SNX29: variants seen among roughly 807,000 people sequenced by gnomAD.
The protein encoded by SNX29 is sorting nexin 29, also known as sorting nexin-29.
A neutral mutation model predicts 102.1 loss-of-function variants in SNX29; 78 were observed. The ratio of observed to expected loss-of-function variants is 0.76; its 90% confidence interval spans 0.64 to 0.92. The LOEUF is 0.92. Ranked by LOEUF, SNX29 falls within the 40% of genes least tolerant of loss-of-function variation. The pLI, the probability that SNX29 is intolerant of heterozygous loss-of-function variation, is 0.00. For missense variants in SNX29, 1,280 were observed against 1,061.7 expected (o/e 1.21, Z -2.86); for synonymous variants, 580 against 414.5 (o/e 1.40, Z -4.85).
intron 15 of SNX29, among the ~76,000 whole-genome samples, chr16:12,305,433 C>G (rs1386680211): frequency 6.6e-6 from 1 of 152,202 alleles, no homozygotes; most frequent in Non-Finnish European, 1.5e-5. Flanking sequence ...ATTTTAGCTG[C>G]CAGTGACTGT....
chr16:12,202,688 A>T (rs2076942248), intron 14 of SNX29, among the ~76,000 whole-genome samples: 1 of 152,090 alleles, frequency 6.6e-6, no homozygotes, highest in Non-Finnish European at 1.5e-5. Flanking sequence ...TTAAAAGAGG[A>T]GGCGATCCTC....
At chr16:12,383,656 G>A (rs975157194) in intron 16 of SNX29, among the ~76,000 whole-genome samples, 10 of 150,796 alleles carry the variant, frequency 6.6e-5, no homozygotes, top group Non-Finnish European at 1.5e-4. Flanking sequence ...GGCTGGTCTC[G>A]AATTCCTGAC....
intron 16 of SNX29, among the ~76,000 whole-genome samples, chr16:12,386,710 T>G (rs2083353555): frequency 6.6e-6 from 1 of 152,224 alleles, no homozygotes; most frequent in South Asian, 2.1e-4. Flanking sequence ...GAGATGAATC[T>G]TTCCTGAACA....
At chr16:12,186,673 C>A (rs1238537463) in intron 13 of SNX29, among the ~76,000 whole-genome samples, 4 of 152,202 alleles carry the variant, frequency 2.6e-5, no homozygotes, top group South Asian at 2.1e-4. Context: ...TCTCTTTAAT[C>A]TGGGGAACAC....
chr16:12,526,443 CATT>C, intron 20 of SNX29: 2 of 431,188 alleles, frequency 4.6e-6, no homozygotes, highest in Non-Finnish European at 9.0e-6. Context: ...TGTGAGAAGA[CATT>C]ATAGTATCCT....
At chr16:12,093,898 A>C (rs2052663228) in intron 11 of SNX29, 1 of 152,340 alleles carries the variant, frequency 6.6e-6, no homozygotes, top group Middle Eastern at 3.4e-3. Flanking sequence ...CAGGCTTTAG[A>C]AAAAAGTAAG....
At chr16:12,432,188 G>C (rs897497489) in intron 18 of SNX29, among the ~76,000 whole-genome samples, 2 of 152,236 alleles carry the variant, frequency 1.3e-5, no homozygotes, top group Non-Finnish European at 2.9e-5. Context: ...GGCAGGAATA[G>C]TCCTTGGGCT....
At chr16:12,563,087 A>G (rs1598080760) in intron 20 of SNX29, among the ~76,000 whole-genome samples, 1 of 146,982 alleles carries the variant, frequency 6.8e-6, no homozygotes, top group East Asian at 1.9e-4. Flanking sequence ...CCAGAATGTT[A>G]CATAGAAGAC....
At chr16:12,498,911 A>G (rs2088965215) in intron 19 of SNX29, among the ~76,000 whole-genome samples, 1 of 152,216 alleles carries the variant, frequency 6.6e-6, no homozygotes, top group African/African-American at 2.4e-5. Flanking sequence ...GTGAACTATC[A>G]TCTAGGATTG....
At chr16:12,222,915 C>G (rs1444902638) in intron 14 of SNX29, among the ~76,000 whole-genome samples, 2 of 152,188 alleles carry the variant, frequency 1.3e-5, no homozygotes, top group Non-Finnish European at 2.9e-5. Context: ...CCTTTGAGGC[C>G]ACAGGTGTAG....
At chr16:12,207,134 C>T (rs2077064692) in intron 14 of SNX29, among the ~76,000 whole-genome samples, 1 of 152,002 alleles carries the variant, frequency 6.6e-6, no homozygotes. Flanking sequence ...TTCGGGAGGC[C>T]AAGACGGGTG....
chr16:12,573,760 C>T lies in SNX29; in HGVS notation c.*5131C>T, dbSNP rs376252607. On this transcript the variant is annotated 3_prime_UTR_variant, in exon 21 of 21. Transcript: ENST00000566228. ...CATTTGCACCCAGAGCTACTAAACG[C>T]TCAGTGACCCCAGAGACCATTAATT... is the stretch of plus-strand genomic sequence containing the variant. The T allele has an allele frequency of 1.8e-5, 4 of 222,816 alleles. No homozygotes were observed. The highest frequency in any genetic ancestry group is 1.8e-4 in the South Asian group (1 of 5,420). The allele number at this position is 222,816 out of a possible 1,614,324, so 13.8% of individuals were successfully genotyped here. A position where few individuals can be genotyped will look rare whatever the true frequency, so the allele number is the denominator to read the frequency against.
At chr16:12,317,270 T>C (rs1231090490) in intron 15 of SNX29, among the ~76,000 whole-genome samples, 1 of 152,110 alleles carries the variant, frequency 6.6e-6, no homozygotes, top group African/African-American at 2.4e-5. Flanking sequence ...CACACTTGGG[T>C]GCAGGGACCT....
At chr16:12,177,000 T>G (rs2076275108) in intron 13 of SNX29, among the ~76,000 whole-genome samples, 1 of 151,892 alleles carries the variant, frequency 6.6e-6, no homozygotes, top group South Asian at 2.1e-4. Flanking sequence ...CAGGCTGGAG[T>G]GTAGTGGCTC....
chr16:12,125,965 G>A (rs997465190), intron 11 of SNX29, among the ~76,000 whole-genome samples: 2 of 152,080 alleles, frequency 1.3e-5, no homozygotes, highest in African/African-American at 4.8e-5. Context: ...ATGCCACATC[G>A]CTGTCTGGGG....
chr16:12,461,978 A>AAAAAATATAT (rs1555544501), intron 18 of SNX29, among the ~76,000 whole-genome samples: 1 of 27,352 alleles, frequency 3.7e-5, no homozygotes, highest in African/African-American at 1.4e-4. Context: ...AAAAAAAAAA[A>AAAAAATATAT]ATATATATAT....
chr16:11,985,361 C>G (rs574146788), intron 1 of SNX29, among the ~76,000 whole-genome samples: 1 of 152,248 alleles, frequency 6.6e-6, no homozygotes, highest in Non-Finnish European at 1.5e-5. Context: ...AGCCAGGGCT[C>G]TTTTCAGTGG....
chr16:12,401,843 A>G (rs2083957113), intron 17 of SNX29, among the ~76,000 whole-genome samples: 1 of 152,216 alleles, frequency 6.6e-6, no homozygotes, highest in African/African-American at 2.4e-5. Flanking sequence ...ATGAACTAAC[A>G]TCTAGGAGGG....
At chr16:12,024,867 G>A (rs556043508) in intron 3 of SNX29, among the ~76,000 whole-genome samples, 19 of 152,282 alleles carry the variant, frequency 1.2e-4, no homozygotes, top group African/African-American at 4.6e-4. Context: ...ATACCCCAGA[G>A]TTTTTTTGTT....
Sources: gnomAD v4.1 joint callset for allele counts (sites outside exome capture counted in the v4.1 genomes callset) on GRCh38, gnomAD v4.1.1 for gene constraint, MANE v1.5 for transcripts, NCBI Gene and HGNC (gene_info 2026-07-23, HGNC 2026-07-21) for gene names.